PIK3C2G: variants seen among roughly 807,000 people sequenced by gnomAD.
The protein encoded by PIK3C2G is phosphatidylinositol-4-phosphate 3-kinase catalytic subunit type 2 gamma.
A neutral mutation model predicts 181.1 loss-of-function variants in PIK3C2G; 168 were observed. That is an observed-to-expected ratio of 0.93 (90% confidence interval 0.82 to 1.05). The LOEUF is 1.05. Among genes scored for constraint, PIK3C2G ranks in the 50% least tolerant of loss-of-function variants. The pLI is 0.00. For synonymous variants in PIK3C2G, 573 were observed against 592.2 expected, an observed-to-expected ratio of 0.97 and a Z score of 0.47; for missense variants, 1,869 against 1,732.8, an observed-to-expected ratio of 1.08 and a Z score of -1.40.
intron 1 of PIK3C2G, among the ~76,000 whole-genome samples, chr12:18,253,252 GAAAT>G (rs1204505478): frequency 7.1e-6 from 1 of 141,306 alleles, no homozygotes; most frequent in Non-Finnish European, 1.6e-5. Flanking sequence ...AATGAATAAA[GAAAT>G]AAATAAGTCG....
At chr12:18,387,199 C>T (rs1943231547) in intron 14 of PIK3C2G, among the ~76,000 whole-genome samples, 1 of 152,186 alleles carries the variant, frequency 6.6e-6, no homozygotes, top group African/African-American at 2.4e-5. Context: ...TCTATCCTCT[C>T]AATTCCTCAC....
In PIK3C2G at chr12:18,563,392, G is replaced by GTGAC. The variant is rs751242202; in HGVS notation, c.3797_3800dup (p.His1268AspfsTer15). ...CTTTCTGCAGCTGTATCTGATCCAG[G>GTGAC]TGACACACAGCAACAACGAAACAAG... On this transcript the variant is annotated frameshift_variant, in exon 28 of 33. Transcript: ENST00000538779. LOFTEE classifies it high-confidence loss of function. The GTGAC allele has an allele frequency of 7.4e-6, 12 of 1,612,220 alleles. No homozygotes were observed. Among genetic ancestry groups the GTGAC allele is most frequent in the Non-Finnish European group, 8.5e-6 (10 of 1,178,982 alleles).
upstream of PIK3C2G, among the ~76,000 whole-genome samples, chr12:18,244,749 A>G (rs1049222239): frequency 2.0e-5 from 3 of 152,102 alleles, no homozygotes; most frequent in Non-Finnish European, 4.4e-5. Flanking sequence ...GGGGACACTT[A>G]TAATATTTTT....
intron 8 of PIK3C2G, among the ~76,000 whole-genome samples, chr12:18,334,284 A>G (rs1274887801): frequency 6.6e-6 from 1 of 152,122 alleles, no homozygotes; most frequent in Non-Finnish European, 1.5e-5. Context: ...TGGACAAATA[A>G]TTTTAAGAAA....
chr12:18,381,177 T>C (rs1388688709), intron 13 of PIK3C2G, among the ~76,000 whole-genome samples: 1 of 152,218 alleles, frequency 6.6e-6, no homozygotes, highest in African/African-American at 2.4e-5. Context: ...ACTATGGTAA[T>C]TTACCACCGA....
intron 32 of PIK3C2G, among the ~76,000 whole-genome samples, chr12:18,642,163 G>A (rs1369130131): frequency 8.5e-5 from 13 of 152,216 alleles, no homozygotes; most frequent in African/African-American, 9.6e-5. Context: ...CTTTGGGGTC[G>A]AAACTAAGAA....
intron 16 of PIK3C2G, among the ~76,000 whole-genome samples, chr12:18,415,252 C>T (rs1271198916): frequency 6.6e-6 from 1 of 152,156 alleles, no homozygotes; most frequent in Non-Finnish European, 1.5e-5. Context: ...CATGTGCTTA[C>T]TTTGTGTAAC....
intron 18 of PIK3C2G, among the ~76,000 whole-genome samples, chr12:18,467,697 A>G (rs904416318): frequency 3.3e-5 from 5 of 151,998 alleles, no homozygotes; most frequent in Admixed American, 6.6e-5. Flanking sequence ...AGAAGAGAGC[A>G]GAAAAGCCAT....
chr12:18,587,591 A>T (rs957535301), intron 29 of PIK3C2G, among the ~76,000 whole-genome samples: 10 of 152,106 alleles, frequency 6.6e-5, no homozygotes, highest in African/African-American at 2.2e-4. Flanking sequence ...ATGCTCATGG[A>T]TAGAAAGATT....
chr12:18,372,951 G>A (rs1243260342), intron 13 of PIK3C2G, among the ~76,000 whole-genome samples: 1 of 151,990 alleles, frequency 6.6e-6, no homozygotes, highest in Non-Finnish European at 1.5e-5. Context: ...CAAAATTGTA[G>A]ACAATGAGAC....
chr12:18,562,671 C>A, intron 26 of PIK3C2G, 32 bp from the exon 27 acceptor site: 1 of 1,287,452 alleles, frequency 7.8e-7, no homozygotes, highest in Non-Finnish European at 1.1e-6. Context: ...AGAGGAGTGT[C>A]ACTCACTATC....
At chr12:18,446,162 G>T (rs1274767690) in intron 18 of PIK3C2G, among the ~76,000 whole-genome samples, 3 of 152,122 alleles carry the variant, frequency 2.0e-5, no homozygotes, top group Non-Finnish European at 4.4e-5. Context: ...CTGCCAATCT[G>T]CCACTTAATT....
intron 11 of PIK3C2G, among the ~76,000 whole-genome samples, chr12:18,357,551 T>C (rs1453800081): frequency 3.9e-5 from 6 of 152,208 alleles, no homozygotes; most frequent in Admixed American, 3.9e-4. Context: ...GAATTTCACA[T>C]TAGAAGTTTA....
chr12:18,290,278 T>C (rs1421599871), intron 3 of PIK3C2G, among the ~76,000 whole-genome samples: 1 of 152,222 alleles, frequency 6.6e-6, no homozygotes. Flanking sequence ...ATTCTTTGAC[T>C]CATTTATGTG....
At chr12:18,273,575 T>C (rs917615265) in intron 1 of PIK3C2G, among the ~76,000 whole-genome samples, 1 of 152,148 alleles carries the variant, frequency 6.6e-6, no homozygotes, top group South Asian at 2.1e-4. Flanking sequence ...GTTTAATAAA[T>C]GGTGCTGGGA....
rs572824380 is a variant in PIK3C2G, at chr12:18,510,531, T to C, written c.3323+5070T>C. Among the ~76,000 whole-genome samples, 318 of 152,342 alleles carry C rather than the reference T, an allele frequency of 2.1e-3. 1 individual carries two copies. The highest frequency in any genetic ancestry group is 7.4e-3 in the African/African-American group (307 of 41,594). ...CTCCTAGCTCTTTATTTCATACTTTTATTTTTTAGACTAGACAGTGTTTTC... is the reference window on the plus strand; with the variant it reads ...CTCCTAGCTCTTTATTTCATACTTTCATTTTTTAGACTAGACAGTGTTTTC... On this transcript the variant is annotated intron_variant, in intron 24 of 32. Transcript: ENST00000538779.
chr12:18,312,479 G>A (rs988726704), intron 5 of PIK3C2G, among the ~76,000 whole-genome samples: 4 of 152,134 alleles, frequency 2.6e-5, no homozygotes, highest in African/African-American at 9.6e-5. Context: ...CTCTTAGCAT[G>A]GAAAAAAGAG....
At chr12:18,252,522 A>G (rs1948105043) in intron 1 of PIK3C2G, among the ~76,000 whole-genome samples, 1 of 152,212 alleles carries the variant, frequency 6.6e-6, no homozygotes, top group Admixed American at 6.5e-5. Context: ...TGGAGCCTTC[A>G]GAAATGAAAA....
the PIK3C2G span, among the ~76,000 whole-genome samples, chr12:18,660,400 G>A: frequency 1.3e-5 from 2 of 152,256 alleles, no homozygotes; most frequent in East Asian, 3.9e-4. Flanking sequence ...TTTGTTGCAA[G>A]CCCTTCCCTC....
Sources: allele counts gnomAD v4.1 joint callset (sites outside exome capture counted in the v4.1 genomes callset), GRCh38; gene constraint gnomAD v4.1.1; transcripts MANE v1.5; gene names NCBI Gene and HGNC (gene_info 2026-07-23, HGNC 2026-07-21).